PFDN2: variants seen among roughly 807,000 people sequenced by gnomAD.
PFDN2 encodes the protein prefoldin subunit 2.
Under a neutral mutation model 18.3 loss-of-function variants are expected in PFDN2, and 7 were observed. The observed-to-expected ratio is 0.38, with a 90% CI of 0.22 to 0.72. The LOEUF (loss-of-function observed/expected upper bound fraction) is 0.72. PFDN2 is among the 30% of genes least tolerant of loss of function. The pLI is 0.47. For synonymous variants in PFDN2, 76 were observed against 75.0 expected (o/e 1.01, Z -0.07); for missense variants, 181 against 199.1 (o/e 0.91, Z 0.55).
chr1:161,110,394 C>T (rs1162075504), intron 1 of PFDN2, among the ~76,000 whole-genome samples: 2 of 152,058 alleles, frequency 1.3e-5, no homozygotes, highest in Non-Finnish European at 1.5e-5. Flanking sequence ...TAGTGAAGTG[C>T]AGAAATCATA....
chr1:161,106,181 C>T lies in PFDN2; in HGVS notation c.76-3806G>A, dbSNP rs58281785. Among the ~76,000 whole-genome samples, 466 of 152,224 alleles carry T rather than the reference C, an allele frequency of 3.1e-3. 3 individuals are homozygous for T. The highest frequency in any genetic ancestry group is 0.011 in the African/African-American group (446 of 41,520). On this transcript the variant is annotated intron_variant, in intron 1 of 3. Transcript: ENST00000368010. ...CCTGCTCCCACTATGCATAAGACAC[C>T]TGTCCCCTCTTTGCCTTTCATCATG... is the stretch of plus-strand genomic sequence containing the variant.
chr1:161,106,482 T>C (rs1053474495), intron 1 of PFDN2, among the ~76,000 whole-genome samples: 2 of 152,220 alleles, frequency 1.3e-5, no homozygotes. Context: ...ATAACTTTTC[T>C]AATAGTCTTC....
chr1:161,104,811 G>A (rs4233365), intron 1 of PFDN2, among the ~76,000 whole-genome samples: 54,849 of 151,784 alleles, frequency 0.36, 10,119 homozygotes, highest in East Asian at 0.43. Flanking sequence ...CCACCCTTAT[G>A]TCCCTTCTAC....
chr1:161,104,958 T>C (rs1654650552), intron 1 of PFDN2, among the ~76,000 whole-genome samples: 2 of 152,216 alleles, frequency 1.3e-5, no homozygotes, highest in African/African-American at 2.4e-5. Context: ...ATCTAACTTA[T>C]CTACAGATTG....
intron 1 of PFDN2, among the ~76,000 whole-genome samples, chr1:161,108,818 T>C (rs1654742168): frequency 6.6e-6 from 1 of 152,212 alleles, no homozygotes; most frequent in South Asian, 2.1e-4. Context: ...TTTATTATTT[T>C]TGTTACTTTA....
intron 1 of PFDN2, among the ~76,000 whole-genome samples, chr1:161,108,611 C>T (rs1437045290): frequency 3.3e-5 from 5 of 151,666 alleles, no homozygotes; most frequent in African/African-American, 9.7e-5. Context: ...AAATAATGCA[C>T]GATTTACAGC....
chr1:161,100,708 C>A lies in PFDN2; in HGVS notation c.440G>T (p.Ser147Ile), dbSNP rs1199548868. 1 of 1,613,632 alleles carries A rather than the reference C, an allele frequency of 6.2e-7. No homozygotes were observed. Residue 147 changes from serine to isoleucine, a missense_variant, in exon 4 of 4, where the codon AGC (serine) becomes ATC (isoleucine). Coordinates refer to ENST00000368010, the MANE Select transcript of PFDN2 (RefSeq NM_012394.4). ...ENSEGAGAKA[S>I]SAGVLVS ...CTAGGAGACCAACACTCCAGCTGAG[C>A]TGGCCTTAGCCCCAGCCCCTTCTGA...
At chr1:161,101,124 A>G (rs1654548571) in intron 3 of PFDN2, among the ~76,000 whole-genome samples, 1 of 152,162 alleles carries the variant, frequency 6.6e-6, no homozygotes, top group Non-Finnish European at 1.5e-5. Context: ...TTCTGCCTCA[A>G]GCAGTCCTCC....
intron 1 of PFDN2, among the ~76,000 whole-genome samples, chr1:161,104,429 T>TTTTTTC (rs573319330): frequency 1.3e-5 from 2 of 151,634 alleles, no homozygotes; most frequent in Non-Finnish European, 1.5e-5. Context: ...CCCTATCTCT[T>TTTTTTC]TTTTTCTTTT....
intron 1 of PFDN2, among the ~76,000 whole-genome samples, chr1:161,109,231 T>A (rs1654748662): frequency 6.6e-6 from 1 of 152,178 alleles, no homozygotes; most frequent in Non-Finnish European, 1.5e-5. Context: ...TGGTATACTT[T>A]CCCAAACCTC....
In PFDN2 at chr1:161,101,389, T is replaced by C. The variant is rs936516104; in HGVS notation, c.289-530A>G. Among the ~76,000 whole-genome samples, 3 of 151,830 alleles carry C rather than the reference T, an allele frequency of 2.0e-5. No homozygotes were observed. In the South Asian group the frequency reaches 6.3e-4, roughly 32 times the overall value. On this transcript the variant is annotated intron_variant, in intron 3 of 3. Transcript: ENST00000368010. ...CAATTTTTCGTATTCTTAGTAGAGA[T>C]GGGGTTTCACCATGCTAGCCAGGAT...
chr1:161,118,003 G>A lies in PFDN2; in HGVS notation c.24C>T (p.Ala8=), dbSNP rs146025814. 38 of 1,612,256 alleles carry A rather than the reference G, an allele frequency of 2.4e-5. No individual in the cohort carries two copies. The highest frequency in any genetic ancestry group is 7.7e-5 in the South Asian group (7 of 90,980). Residue 8 remains alanine (A), a synonymous_variant, in exon 1 of 4, where the codon GCC becomes GCT. Transcript: ENST00000368010. MAENSGR[A]GKSSGSGAGK... ...CCGCGCCGCTCCCGCTGCTCTTGCC[G>A]GCGCGACCGCTGTTCTCCGCCATCT...
At chr1:161,103,814 C>G (rs1437665362) in intron 1 of PFDN2, among the ~76,000 whole-genome samples, 1 of 150,604 alleles carries the variant, frequency 6.6e-6, no homozygotes, top group African/African-American at 2.4e-5. Context: ...TAAATGAAAC[C>G]TGAAAAATCA....
At chr1:161,105,479 G>C (rs902899324) in intron 1 of PFDN2, among the ~76,000 whole-genome samples, 3 of 151,180 alleles carry the variant, frequency 2.0e-5, no homozygotes, top group Admixed American at 6.6e-5. Flanking sequence ...TTTTTTCTGA[G>C]AGGAGTCTTG....
intron 1 of PFDN2, among the ~76,000 whole-genome samples, 186 bp from the exon 2 acceptor site, chr1:161,102,561 GCTTA>G (rs1290991854): frequency 6.6e-6 from 1 of 152,086 alleles, no homozygotes; most frequent in Non-Finnish European, 1.5e-5. Context: ...AACACGGAGG[GCTTA>G]CTATTTTTGA....
In PFDN2 at chr1:161,106,879, C is replaced by T. The variant is rs893453872; in HGVS notation, c.76-4504G>A. On this transcript the variant is annotated intron_variant, in intron 1 of 3. Coordinates refer to ENST00000368010, the MANE Select transcript of PFDN2 (RefSeq NM_012394.4). ...GGGGTGCAGTGACACAATCATGGCT[C>T]AGTGCAGCCTTGAATTCCTGAGCTG... Among the ~76,000 whole-genome samples the T allele has an allele frequency of 2.0e-5, 3 of 152,242 alleles. No homozygotes were observed. In the East Asian group the frequency reaches 5.8e-4, roughly 29 times the overall value.
chr1:161,102,209 C>T (rs763977820), intron 2 of PFDN2, 38 bp from the exon 3 acceptor site: 2 of 1,613,828 alleles, frequency 1.2e-6, no homozygotes, highest in South Asian at 2.2e-5. Flanking sequence ...GAGGATTCAG[C>T]CCCACTCTAC....
At chr1:161,110,295 G>C (rs557567760) in intron 1 of PFDN2, among the ~76,000 whole-genome samples, 1 of 147,498 alleles carries the variant, frequency 6.8e-6, no homozygotes, top group East Asian at 2.0e-4. Context: ...TGGGAGGCGG[G>C]GGTTGCAATG....
intron 1 of PFDN2, among the ~76,000 whole-genome samples, chr1:161,114,436 C>T (rs1314218860): frequency 4.6e-5 from 7 of 152,208 alleles, no homozygotes; most frequent in Non-Finnish European, 7.3e-5. Flanking sequence ...GGCAGTTTCA[C>T]GCCTTAGTGT....
Sources: gnomAD v4.1 joint callset for allele counts (sites outside exome capture counted in the v4.1 genomes callset) on GRCh38, gnomAD v4.1.1 for gene constraint, MANE v1.5 for transcripts, NCBI Gene and HGNC (gene_info 2026-07-23, HGNC 2026-07-21) for gene names.